The following DLGAP2 variants were observed in gnomAD, a reference collection of about 807,000 sequenced individuals.
DLGAP2 encodes the protein disks large-associated protein 2.
In DLGAP2, 26 loss-of-function variants were observed where a neutral mutation model predicts 100.3. The ratio of observed to expected loss-of-function variants is 0.26; its 90% CI spans 0.19 to 0.36. The LOEUF (loss-of-function observed/expected upper bound fraction) is 0.36, where lower values mean the gene tolerates loss of function less well. Among genes scored for constraint, DLGAP2 ranks in the 10% least tolerant of loss-of-function variants. DLGAP2 has a pLI of 1.00. For synonymous variants in DLGAP2, 886 were observed against 630.1 expected (o/e 1.41, Z -6.08); for missense variants, 1,858 against 1,453.2 (o/e 1.28, Z -4.53).
chr8:1,245,011 C>A (rs891694193), intron 2 of DLGAP2, among the ~76,000 whole-genome samples: 3 of 152,160 alleles, frequency 2.0e-5, no homozygotes, highest in African/African-American at 4.8e-5. Context: ...CATCTTTGAC[C>A]AGCCAGGAAA....
chr8:868,430 C>T (rs556815398), intron 1 of DLGAP2, among the ~76,000 whole-genome samples: 2 of 152,356 alleles, frequency 1.3e-5, no homozygotes, highest in African/African-American at 4.8e-5. Context: ...TCTTACACGA[C>T]ACTCACAGAA....
intron 1 of DLGAP2, among the ~76,000 whole-genome samples, chr8:819,520 A>G (rs1017702325): frequency 1.3e-5 from 2 of 152,298 alleles, no homozygotes; most frequent in African/African-American, 4.8e-5. Flanking sequence ...TATATGAGAA[A>G]AGATATTGGG....
chr8:1,235,324 C>T (rs1244641174), intron 2 of DLGAP2, among the ~76,000 whole-genome samples: 1 of 151,878 alleles, frequency 6.6e-6, no homozygotes, highest in African/African-American at 2.4e-5. Context: ...CTAGTTCTCT[C>T]TCACATGGCG....
intron 2 of DLGAP2, among the ~76,000 whole-genome samples, chr8:942,974 G>A (rs766186659): frequency 9.8e-5 from 15 of 152,304 alleles, no homozygotes; most frequent in South Asian, 2.1e-4. Context: ...ATCTATCAGC[G>A]CTGCTCATCG....
At chr8:1,092,661 C>T (rs971429420) in intron 2 of DLGAP2, among the ~76,000 whole-genome samples, 2 of 152,196 alleles carry the variant, frequency 1.3e-5, no homozygotes, top group Admixed American at 6.5e-5. Context: ...ATTACAGTCA[C>T]ACTGTCTCGT....
intron 1 of DLGAP2, among the ~76,000 whole-genome samples, chr8:876,278 C>G (rs924547489): frequency 6.6e-6 from 1 of 152,114 alleles, no homozygotes; most frequent in Non-Finnish European, 1.5e-5. Flanking sequence ...TGCTTTCAGC[C>G]TCAAGAACTT....
At chr8:1,131,154 G>A (rs1000253475) in intron 2 of DLGAP2, among the ~76,000 whole-genome samples, 7 of 152,092 alleles carry the variant, frequency 4.6e-5, no homozygotes, top group African/African-American at 1.4e-4. Context: ...ACCTTCACAC[G>A]GTTCTCTGGA....
Position 1,626,827 on chromosome 8 carries a change from C to G in DLGAP2, c.1530C>G (p.Ser510=), listed in dbSNP as rs765650782. ...AANYNSPKFR[S]RNQSYMRAVS... Reference sequence around the variant, plus strand: ...ACTACAACTCCCCGAAATTCCGCTCCCGGAACCAGAGCTACATGAGGGCCG... The same window carrying G: ...ACTACAACTCCCCGAAATTCCGCTCGCGGAACCAGAGCTACATGAGGGCCG... Residue 510 remains serine (S), a synonymous_variant, in exon 7 of 15, where the codon TCC becomes TCG. Coordinates refer to ENST00000637795, the MANE Select transcript of DLGAP2 (RefSeq NM_001346810.2). 2 of 1,607,100 alleles carry G rather than the reference C, an allele frequency of 1.2e-6. No individual in the cohort carries two copies. Among genetic ancestry groups the G allele is most frequent in the Non-Finnish European group, 1.7e-6 (2 of 1,177,098 alleles).
At chr8:865,181 G>A (rs1054069827) in intron 1 of DLGAP2, among the ~76,000 whole-genome samples, 4 of 152,186 alleles carry the variant, frequency 2.6e-5, no homozygotes, top group African/African-American at 7.2e-5. Flanking sequence ...GGGTGCCCTC[G>A]CTGGACACGC....
In DLGAP2 at chr8:997,164, T is replaced by A. The variant is rs560111208; in HGVS notation, c.73+89198T>A. Among the ~76,000 whole-genome samples the A allele has an allele frequency of 2.0e-5, 3 of 152,348 alleles. No individual in the cohort carries two copies. In the South Asian group the frequency reaches 6.2e-4, roughly 32 times the overall value. On this transcript the variant is annotated intron_variant, in intron 2 of 14. Coordinates refer to ENST00000637795, the MANE Select transcript of DLGAP2 (RefSeq NM_001346810.2). ...CCTAATTTTGTAAACTATCTCATGA[T>A]CCTCAGTTTCTGAGTAGAATTCACT...
At chr8:1,452,742 G>A (rs986004150) in intron 3 of DLGAP2, among the ~76,000 whole-genome samples, 1 of 152,136 alleles carries the variant, frequency 6.6e-6, no homozygotes, top group Non-Finnish European at 1.5e-5. Context: ...GGTCAGGCTG[G>A]GTCAGTGGTT....
intron 8 of DLGAP2, among the ~76,000 whole-genome samples, chr8:1,641,208 C>T (rs905521592): frequency 5.3e-5 from 8 of 152,160 alleles, no homozygotes; most frequent in East Asian, 1.9e-4. Flanking sequence ...ACGTGCCTCC[C>T]GGTTTGCAGA....
intron 2 of DLGAP2, among the ~76,000 whole-genome samples, chr8:1,059,527 G>T: frequency 6.6e-6 from 1 of 152,214 alleles, no homozygotes; most frequent in East Asian, 1.9e-4. Flanking sequence ...TGTGGCGAGT[G>T]TGGGCTGTTC....
intron 1 of DLGAP2, among the ~76,000 whole-genome samples, chr8:873,587 T>G (rs2128992047): frequency 6.6e-6 from 1 of 152,336 alleles, no homozygotes; most frequent in East Asian, 1.9e-4. Flanking sequence ...TAATATTTTG[T>G]TGAGGATTTT....
At chr8:881,086 C>A (rs908155226) in intron 1 of DLGAP2, among the ~76,000 whole-genome samples, 1 of 152,112 alleles carries the variant, frequency 6.6e-6, no homozygotes, top group Admixed American at 6.5e-5. Flanking sequence ...CAAGAATTTG[C>A]GAAGATTACA....
At chr8:920,111 T>G (rs2129001245) in intron 2 of DLGAP2, among the ~76,000 whole-genome samples, 1 of 152,134 alleles carries the variant, frequency 6.6e-6, no homozygotes, top group South Asian at 2.1e-4. Flanking sequence ...GGTGGAAGCT[T>G]CCAGAGCTGC....
At chr8:805,484 C>G (rs567006941) in intron 1 of DLGAP2, among the ~76,000 whole-genome samples, 4 of 152,242 alleles carry the variant, frequency 2.6e-5, no homozygotes, top group Non-Finnish European at 4.4e-5. Flanking sequence ...AAAATAAAGC[C>G]CACACCCAAA....
At chr8:941,543 C>T (rs1325526033) in intron 2 of DLGAP2, among the ~76,000 whole-genome samples, 1 of 152,114 alleles carries the variant, frequency 6.6e-6, no homozygotes, top group Non-Finnish European at 1.5e-5. Flanking sequence ...TGGAGATTGC[C>T]TCTCTCCCTG....
intron 1 of DLGAP2, among the ~76,000 whole-genome samples, chr8:869,667 T>A (rs1233096984): frequency 6.6e-6 from 1 of 152,202 alleles, no homozygotes; most frequent in Non-Finnish European, 1.5e-5. Context: ...TTAGTCTTAA[T>A]GAATATGCGC....
Sources: allele counts gnomAD v4.1 joint callset (sites outside exome capture counted in the v4.1 genomes callset), GRCh38; gene constraint gnomAD v4.1.1; transcripts MANE v1.5; gene names NCBI Gene and HGNC (gene_info 2026-07-23, HGNC 2026-07-21).